Variants in NKAIN2 observed in about 807,000 individuals in gnomAD.
NKAIN2 encodes sodium/potassium transporting ATPase interacting 2, also known as sodium/potassium-transporting ATPase subunit beta-1-interacting protein 2.
Under a neutral mutation model 32.6 loss-of-function variants are expected in NKAIN2, and 14 were observed. The ratio of observed to expected loss-of-function variants is 0.43; its 90% CI spans 0.28 to 0.67. The LOEUF is 0.67. NKAIN2 is among the 30% of genes least tolerant of loss of function. NKAIN2 has a pLI of 0.17. For synonymous variants in NKAIN2, 80 were observed against 87.2 expected (o/e 0.92, Z 0.46); for missense variants, 198 against 258.3 (o/e 0.77, Z 1.60).
chr6:124,319,752 T>C (rs1797097466), intron 2 of NKAIN2, among the ~76,000 whole-genome samples: 1 of 152,130 alleles, frequency 6.6e-6, no homozygotes, highest in Admixed American at 6.6e-5. Context: ...TCTTTTATTA[T>C]GCATCAGGAT....
chr6:124,161,929 G>C (rs1404658153), intron 1 of NKAIN2, among the ~76,000 whole-genome samples: 1 of 151,652 alleles, frequency 6.6e-6, no homozygotes, highest in Admixed American at 6.6e-5. Flanking sequence ...ATGTACCCCT[G>C]AATCTGAAAT....
chr6:123,843,236 G>T (rs1405704731), intron 1 of NKAIN2, among the ~76,000 whole-genome samples: 2 of 152,166 alleles, frequency 1.3e-5, no homozygotes, highest in Non-Finnish European at 2.9e-5. Flanking sequence ...CAGAATCCAG[G>T]AAGAATCAGG....
intron 4 of NKAIN2, among the ~76,000 whole-genome samples, chr6:124,734,729 A>C (rs148019094): frequency 6.6e-6 from 1 of 152,016 alleles, no homozygotes; most frequent in African/African-American, 2.4e-5. Flanking sequence ...CAAGGCACAG[A>C]GTAAATGGGT....
At chr6:124,153,406 T>A (rs1787829395) in intron 1 of NKAIN2, among the ~76,000 whole-genome samples, 1 of 151,808 alleles carries the variant, frequency 6.6e-6, no homozygotes. Flanking sequence ...ATAGCAACAA[T>A]ATAACTGATA....
chr6:124,398,634 T>G (rs1323366477), intron 3 of NKAIN2, among the ~76,000 whole-genome samples: 2 of 152,188 alleles, frequency 1.3e-5, no homozygotes, highest in African/African-American at 2.4e-5. Context: ...ACAGGTGGTA[T>G]GAAGAACGGC....
At chr6:123,840,913 T>C (rs1302385527) in intron 1 of NKAIN2, among the ~76,000 whole-genome samples, 1 of 152,164 alleles carries the variant, frequency 6.6e-6, no homozygotes, top group Non-Finnish European at 1.5e-5. Context: ...TTTTACAGCT[T>C]TCTGTAAAAG....
Position 123,969,892 on chromosome 6 carries a change from G to T in NKAIN2, c.54+165638G>T, listed in dbSNP as rs553573123. Among the ~76,000 whole-genome samples the T allele has an allele frequency of 7.3e-4, 111 of 152,110 alleles. 2 individuals are homozygous for T. The highest frequency in any genetic ancestry group is 2.7e-3 in the African/African-American group (111 of 41,482). On this transcript the variant is annotated intron_variant, in intron 1 of 6. Coordinates refer to ENST00000368417, the MANE Select transcript of NKAIN2 (RefSeq NM_001040214.3). The stretch of plus-strand genomic sequence containing the variant: ...AATAACTAGTAGATAAAATGAATTG[G>T]CCAAAATAAGTAAATTGAAAGAAGA...
intron 3 of NKAIN2, among the ~76,000 whole-genome samples, chr6:124,509,407 A>G (rs954396416): frequency 1.3e-5 from 2 of 152,214 alleles, no homozygotes; most frequent in Admixed American, 6.5e-5. Context: ...TGCTGCATAT[A>G]TACTCGGTTT....
intron 1 of NKAIN2, among the ~76,000 whole-genome samples, chr6:124,044,907 G>A (rs1782047123): frequency 6.6e-6 from 1 of 151,972 alleles, no homozygotes; most frequent in African/African-American, 2.4e-5. Context: ...AAGTTTAGGA[G>A]ACATAGTCAC....
chr6:124,350,441 G>A (rs558409717), intron 2 of NKAIN2, among the ~76,000 whole-genome samples: 14 of 152,208 alleles, frequency 9.2e-5, no homozygotes, highest in Admixed American at 8.5e-4. Flanking sequence ...AATAAAAAAA[G>A]AAAATAGGAT....
chr6:123,972,004 G>A (rs1386282419), intron 1 of NKAIN2, among the ~76,000 whole-genome samples: 1 of 152,106 alleles, frequency 6.6e-6, no homozygotes, highest in East Asian at 1.9e-4. Context: ...GTAAGACCAA[G>A]CTTTCCCCTT....
intron 1 of NKAIN2, among the ~76,000 whole-genome samples, chr6:124,136,701 C>A (rs1786809691): frequency 6.6e-6 from 1 of 152,032 alleles, no homozygotes; most frequent in Non-Finnish European, 1.5e-5. Flanking sequence ...GACGGTTTAA[C>A]ATATGCAAGT....
chr6:124,338,826 A>G lies in NKAIN2; in HGVS notation c.193-16441A>G, dbSNP rs978996071. On this transcript the variant is annotated intron_variant, in intron 2 of 6. Coordinates refer to ENST00000368417, the MANE Select transcript of NKAIN2 (RefSeq NM_001040214.3). ...AAAGATTAGCAATGGACTGATTCTG[A>G]AGTAGTGATGTAATTGCCTAAAAGG... Among the ~76,000 whole-genome samples the G allele has an allele frequency of 4.6e-5, 7 of 152,236 alleles. No homozygotes were observed. The South Asian group carries it at 1.4e-3, about 31-fold the overall frequency.
chr6:124,706,791 TAAAAC>T (rs1775096814), intron 4 of NKAIN2, among the ~76,000 whole-genome samples: 1 of 152,118 alleles, frequency 6.6e-6, no homozygotes, highest in Non-Finnish European at 1.5e-5. Flanking sequence ...TAAAATAAAA[TAAAAC>T]AGACTGAATG....
intron 1 of NKAIN2, among the ~76,000 whole-genome samples, chr6:124,170,393 A>G (rs922196819): frequency 6.6e-6 from 1 of 152,196 alleles, no homozygotes; most frequent in African/African-American, 2.4e-5. Context: ...ATTTCCATAG[A>G]TATTTTTTTC....
intron 1 of NKAIN2, among the ~76,000 whole-genome samples, chr6:124,234,692 G>T (rs1271985126): frequency 1.3e-5 from 2 of 152,000 alleles, no homozygotes; most frequent in Non-Finnish European, 2.9e-5. Flanking sequence ...CATCGGTGTT[G>T]TCTACTTGGG....
At chr6:124,759,043 A>G (rs1414671873) in intron 4 of NKAIN2, among the ~76,000 whole-genome samples, 1 of 152,010 alleles carries the variant, frequency 6.6e-6, no homozygotes, top group African/African-American at 2.4e-5. Flanking sequence ...CCTTAACGCT[A>G]TTCATTTTTG....
At chr6:124,445,589 G>C (rs991220303) in intron 3 of NKAIN2, among the ~76,000 whole-genome samples, 1 of 151,876 alleles carries the variant, frequency 6.6e-6, no homozygotes, top group Admixed American at 6.6e-5. Flanking sequence ...GCCACTGTTG[G>C]ATCAGGTTTC....
At chr6:124,047,678 T>C (rs945858381) in intron 1 of NKAIN2, among the ~76,000 whole-genome samples, 1 of 152,016 alleles carries the variant, frequency 6.6e-6, no homozygotes, top group African/African-American at 2.4e-5. Flanking sequence ...CAGGATATTT[T>C]GGATAGTGAC....
Sources: gnomAD v4.1 joint callset for allele counts (sites outside exome capture counted in the v4.1 genomes callset) on GRCh38, gnomAD v4.1.1 for gene constraint, MANE v1.5 for transcripts, NCBI Gene and HGNC (gene_info 2026-07-23, HGNC 2026-07-21) for gene names.